The following CYP46A1 variants were observed in gnomAD, a reference collection of about 807,000 sequenced individuals.
The protein encoded by CYP46A1 is cytochrome P450 family 46 subfamily A member 1.
A neutral mutation model predicts 63.3 loss-of-function variants in CYP46A1; 20 were observed. That is an observed-to-expected ratio of 0.32 (90% CI 0.22 to 0.46). The LOEUF is 0.46. Among genes scored for constraint, CYP46A1 ranks in the 20% least tolerant of loss-of-function variants. The pLI is 1.00. For missense variants in CYP46A1, 445 were observed against 670.8 expected (o/e 0.66, Z 3.72); for synonymous variants, 268 against 273.6 (o/e 0.98, Z 0.20).
chr14:99,699,020 G>A (rs115004977), intron 3 of CYP46A1, among the ~76,000 whole-genome samples: 2 of 152,090 alleles, frequency 1.3e-5, no homozygotes, highest in African/African-American at 2.4e-5. Context: ...ACACTTCCTT[G>A]ACTGCCCGGC....
rs1159706540 is a variant in CYP46A1 at position 99,703,517 on chromosome 14, C to T, written c.444-3130C>T. The T allele has an allele frequency of 1.5e-5, 13 of 895,836 alleles. No homozygotes were observed. In the East Asian group the frequency reaches 6.0e-4, roughly 41 times the overall value. The allele number at this position is 895,836 out of a possible 1,614,324, so 55.5% of individuals were successfully genotyped here. A position where few individuals can be genotyped will look rare whatever the true frequency, so the allele number is the denominator to read the frequency against. ...CCTAAACCCCTCCAACCTTTGCATCCCCTCTCCCCAGCCTTTCTGGAAACC... is the reference window on the plus strand; with the variant it reads ...CCTAAACCCCTCCAACCTTTGCATCTCCTCTCCCCAGCCTTTCTGGAAACC... On this transcript the variant is annotated intron_variant, in intron 5 of 14. Transcript: ENST00000261835.
chr14:99,690,388 C>T (rs922971328), intron 1 of CYP46A1, among the ~76,000 whole-genome samples: 3 of 152,190 alleles, frequency 2.0e-5, no homozygotes, highest in Non-Finnish European at 4.4e-5. Flanking sequence ...CACCCTCTGA[C>T]ATTGTCTTTA....
chr14:99,684,968 G>C (rs527352725), intron 1 of CYP46A1, among the ~76,000 whole-genome samples: 2 of 152,120 alleles, frequency 1.3e-5, no homozygotes, highest in African/African-American at 4.8e-5. Context: ...CTGTACTTCA[G>C]TCATGTTTCC....
chr14:99,719,631 A>G (rs1213415337), intron 10 of CYP46A1, among the ~76,000 whole-genome samples: 4 of 151,960 alleles, frequency 2.6e-5, no homozygotes, highest in Non-Finnish European at 5.9e-5. Context: ...TGTCTATTCT[A>G]GGTGACTTAT....
At chr14:99,696,036 T>C (rs1480889355) in intron 3 of CYP46A1, among the ~76,000 whole-genome samples, 1 of 152,232 alleles carries the variant, frequency 6.6e-6, no homozygotes, top group Non-Finnish European at 1.5e-5. Flanking sequence ...TTCTTATAGA[T>C]AGCACACAGT....
chr14:99,685,284 C>A (rs1324561685), intron 1 of CYP46A1, among the ~76,000 whole-genome samples: 1 of 147,192 alleles, frequency 6.8e-6, no homozygotes, highest in East Asian at 2.0e-4. Context: ...CTACTGCCCC[C>A]AGCCTTTCTT....
At chr14:99,698,374 T>G (rs527709695) in intron 3 of CYP46A1, among the ~76,000 whole-genome samples, 2 of 152,236 alleles carry the variant, frequency 1.3e-5, no homozygotes, top group African/African-American at 4.8e-5. Flanking sequence ...TGTCTACCAT[T>G]TACTATGTGT....
intron 3 of CYP46A1, among the ~76,000 whole-genome samples, chr14:99,696,308 T>G (rs2056587317): frequency 6.6e-6 from 1 of 152,136 alleles, no homozygotes; most frequent in Non-Finnish European, 1.5e-5. Flanking sequence ...GATCTCACTC[T>G]GTTCCCCAGG....
At chr14:99,690,014 T>C (rs1431257141) in intron 1 of CYP46A1, among the ~76,000 whole-genome samples, 2 of 152,198 alleles carry the variant, frequency 1.3e-5, no homozygotes, top group African/African-American at 4.8e-5. Flanking sequence ...TCAAGTACTC[T>C]GCCCGAGCCA....
chr14:99,725,290 C>A lies in CYP46A1; in HGVS notation c.1177-101C>A. 1 of 848,752 alleles carries A rather than the reference C, an allele frequency of 1.2e-6. No individual in the cohort carries two copies. 52.6% of individuals were successfully genotyped at this position (848,752 alleles called of 1,614,324 possible). A position where few individuals can be genotyped will look rare whatever the true frequency, so the allele number is the denominator to read the frequency against. Reference sequence around the variant, plus strand: ...AAGACATGGGGGGAGGAGAGTGGGACCCACTCTGCTCTGAGTAGCCCTGTT... The same window carrying A: ...AAGACATGGGGGGAGGAGAGTGGGAACCACTCTGCTCTGAGTAGCCCTGTT... On this transcript the variant is annotated intron_variant, in intron 12 of 14. Coordinates refer to ENST00000261835, the MANE Select transcript of CYP46A1 (RefSeq NM_006668.2). The surrounding 1 kb of genome is among the most constrained non-coding windows in gnomAD (Gnocchi z 4.2).
rs1158118403 is a variant in CYP46A1 at position 99,706,862 on chromosome 14, C to G, written c.582+77C>G. 6 of 1,506,834 alleles carry G rather than the reference C, an allele frequency of 4.0e-6. No individual in the cohort carries two copies. In the Admixed American group the frequency reaches 1.2e-4, roughly 30 times the overall value. The allele number at this position is 1,506,834 out of a possible 1,614,324, so 93.3% of individuals were successfully genotyped here. On this transcript the variant is annotated intron_variant, in intron 6 of 14. Transcript: ENST00000261835. The stretch of plus-strand genomic sequence containing the variant: ...GGGTCTCTTCTCTCCCTCTTCCCTT[C>G]TCTCTTCCCCTCCCTCCTGCTCCTC...
rs1595208931 is a variant in CYP46A1, at chr14:99,722,998, G to A, written c.1176+932G>A. 4 of 418,348 alleles carry A rather than the reference G, an allele frequency of 9.6e-6. No homozygotes were observed. The highest frequency in any genetic ancestry group is 2.0e-5 in the Non-Finnish European group (4 of 199,476). 25.9% of individuals were successfully genotyped at this position (418,348 alleles called of 1,614,324 possible). On this transcript the variant is annotated intron_variant, in intron 12 of 14. Transcript: ENST00000261835. The surrounding 1 kb of genome is among the most constrained non-coding windows in gnomAD (Gnocchi z 4.6). ...GAACGCCACATTGTTTTCCAAAGTG[G>A]CTGCACCAACTTGGATGCCCAGTAG...
chr14:99,699,453 T>G lies in CYP46A1; in HGVS notation c.283-13T>G, dbSNP rs991868851. 6.2e-7 allele frequency: 1 copy of G among 1,613,820 alleles called. No homozygotes were observed. Among genetic ancestry groups the G allele is most frequent in the Non-Finnish European group, 8.5e-7 (1 of 1,179,864 alleles). On this transcript the variant is annotated splice_polypyrimidine_tract_variant and intron_variant, in intron 3 of 14. Coordinates refer to ENST00000261835, the MANE Select transcript of CYP46A1 (RefSeq NM_006668.2). ...GGTGCATGAGCCTATGTTGGTTTTT[T>G]GGGGATATTTAGAAGTTCCTGATGT... is the stretch of plus-strand genomic sequence containing the variant.
chr14:99,706,558 C>A, intron 5 of CYP46A1, 89 bp from the exon 6 acceptor site: 2 of 1,551,030 alleles, frequency 1.3e-6, no homozygotes, highest in Non-Finnish European at 8.8e-7. Flanking sequence ...TCACTCTGCA[C>A]AGTATCCTCT....
intron 7 of CYP46A1, among the ~76,000 whole-genome samples, chr14:99,715,264 AATT>A (rs1192211849): frequency 1.3e-5 from 2 of 152,198 alleles, no homozygotes; most frequent in Non-Finnish European, 2.9e-5. Context: ...ATGTGTGTAT[AATT>A]ATTATGTATC....
intron 11 of CYP46A1, among the ~76,000 whole-genome samples, chr14:99,721,654 C>A (rs1021498578): frequency 5.9e-5 from 9 of 152,140 alleles, no homozygotes; most frequent in African/African-American, 1.9e-4. Context: ...TCCATGCTGC[C>A]GCCGCACAGC....
chr14:99,692,158 C>T (rs767360871), intron 3 of CYP46A1, among the ~76,000 whole-genome samples: 28 of 152,142 alleles, frequency 1.8e-4, no homozygotes, highest in Middle Eastern at 3.2e-3. Context: ...TGCCTCAGTT[C>T]CTTCATCTGT....
intron 11 of CYP46A1, 81 bp downstream of exon 11, chr14:99,721,404 G>A: frequency 9.9e-7 from 1 of 1,014,204 alleles, no homozygotes; most frequent in South Asian, 1.3e-5. Context: ...GACCTTTCAG[G>A]ACAGTGGTTC....
At chr14:99,702,448 T>G (rs2056639958) in intron 5 of CYP46A1, among the ~76,000 whole-genome samples, 2 of 152,374 alleles carry the variant, frequency 1.3e-5, no homozygotes, top group East Asian at 3.9e-4. Context: ...ACATATGTTT[T>G]CATTTCTCCT....
Sources: gnomAD v4.1 joint callset for allele counts (sites outside exome capture counted in the v4.1 genomes callset) on GRCh38, gnomAD v4.1.1 for gene constraint, Gnocchi (gnomAD v3.1) non-coding constraint, MANE v1.5 for transcripts, NCBI Gene and HGNC (gene_info 2026-07-23, HGNC 2026-07-21) for gene names.